The following EDF1 variants were observed in gnomAD, a reference collection of about 807,000 sequenced individuals.
EDF1 encodes endothelial differentiation-related factor 1.
EDF1 carries 5 observed loss-of-function variants against 20.8 expected under a neutral mutation model. The ratio of observed to expected loss-of-function variants is 0.24; its 90% CI spans 0.13 to 0.51. The LOEUF (loss-of-function observed/expected upper bound fraction) is 0.51, where lower values mean the gene tolerates loss of function less well. Ranked by LOEUF, EDF1 falls within the 20% of genes least tolerant of loss-of-function variation. The pLI is 0.97. For synonymous variants in EDF1, 96 were observed against 78.5 expected (o/e 1.22, Z -1.18); for missense variants, 137 against 197.8 (o/e 0.69, Z 1.84).
chr9:136,865,672 C>CT (rs1849203559), intron 1 of EDF1, among the ~76,000 whole-genome samples: 1 of 151,724 alleles, frequency 6.6e-6, no homozygotes, highest in African/African-American at 2.4e-5. Context: ...CTTCCAAGCC[C>CT]TGTCCCCATC....
rs1197706996 is a variant in EDF1 at position 136,865,588 on chromosome 9, C to T, written c.78+593G>A. Reference sequence around the variant, plus strand: ...CCCTATCCCAACCCCAATTCCCCACCTTCATCGCTGGTTCCTGCTGCTTGC... The same window carrying T: ...CCCTATCCCAACCCCAATTCCCCACTTTCATCGCTGGTTCCTGCTGCTTGC... On this transcript the variant is annotated intron_variant, in intron 1 of 4. Transcript: ENST00000224073. 2.6e-5 allele frequency among the ~76,000 whole-genome samples: 4 copies of T among 151,820 alleles called. No homozygotes were observed. The East Asian group carries it at 7.8e-4, about 30-fold the overall frequency.
Position 136,866,053 on chromosome 9 carries a change from T to G in EDF1, c.78+128A>C, listed in dbSNP as rs542063513. On this transcript the variant is annotated intron_variant, in intron 1 of 4. Transcript: ENST00000224073. ...CCGTCCTGCCCCCGGCACCCCAGCC[T>G]TGTCCCCGTCCCCTGCGCCCTGTCC... 7.9e-5 allele frequency: 43 copies of G among 543,246 alleles called. 1 individual carries two copies. In the East Asian group the frequency reaches 5.6e-3, roughly 71 times the overall value. 33.7% of individuals were successfully genotyped at this position (543,246 alleles called of 1,614,324 possible). A position where few individuals can be genotyped will look rare whatever the true frequency, so the allele number is the denominator to read the frequency against.
rs1170883026 is a variant in EDF1 at position 136,863,357 on chromosome 9, G to A, written c.222C>T (p.Thr74=). 5 of 1,614,044 alleles carry A rather than the reference G, an allele frequency of 3.1e-6. No individual in the cohort carries two copies. In the Admixed American group the frequency reaches 5.0e-5, roughly 16 times the overall value. ...GCTGGATCACCTTGCCCACCTCCAG[G>A]GTCACCCTGTCATGGTGCAGCTCCT... ...ETEELHHDRV[T]LEVGKVIQQG... Residue 74 remains threonine (T), a synonymous_variant, in exon 3 of 5, where the codon ACC becomes ACT. Coordinates refer to ENST00000224073, the MANE Select transcript of EDF1 (RefSeq NM_003792.4). The surrounding 1 kb of genome is among the most constrained non-coding windows in gnomAD (Gnocchi z 4.5).
In EDF1 at chr9:136,863,799, A is replaced by G. The variant is rs1448400125; in HGVS notation, c.130+21T>C. 6.2e-7 allele frequency: 1 copy of G among 1,613,828 alleles called. No homozygotes were observed. Among genetic ancestry groups the G allele is most frequent in the East Asian group, 2.2e-5 (1 of 44,882 alleles). On this transcript the variant is annotated intron_variant, in intron 2 of 4. Transcript: ENST00000224073. This position sits in a 1 kb window ranked among gnomAD's most constrained non-coding sequence, Gnocchi z 4.5. ...CCCCACAGCACAGCCTCATGTTGCA[A>G]GCGGAAACACAAGTACCTACATTTC...
At chr9:136,865,434 C>T (rs1355852140) in intron 1 of EDF1, among the ~76,000 whole-genome samples, 1 of 151,948 alleles carries the variant, frequency 6.6e-6, no homozygotes, top group Non-Finnish European at 1.5e-5. Flanking sequence ...CCAAGCAGGT[C>T]CCAGGCAGAG....
Position 136,862,121 on chromosome 9 carries a change from C to A in EDF1, c.*163G>T, listed in dbSNP as rs558395882. ...GAAAAACAGCCAGCAGAACCCAGCG[C>A]TTTGCAAGGTTTTGTTTGTTTGACA... On this transcript the variant is annotated 3_prime_UTR_variant, in exon 5 of 5. Transcript: ENST00000224073. This position sits in a 1 kb window ranked among gnomAD's most constrained non-coding sequence, Gnocchi z 4.1. The A allele has an allele frequency of 8.9e-6, 8 of 901,860 alleles. No individual in the cohort carries two copies. Among genetic ancestry groups the A allele is most frequent in the Non-Finnish European group, 1.4e-5 (8 of 565,436 alleles). The allele number at this position is 901,860 out of a possible 1,614,324, so 55.9% of individuals were successfully genotyped here. A position where few individuals can be genotyped will look rare whatever the true frequency, so the allele number is the denominator to read the frequency against.
chr9:136,863,723 C>G lies in EDF1; in HGVS notation c.130+97G>C. On this transcript the variant is annotated intron_variant, in intron 2 of 4. Coordinates refer to ENST00000224073, the MANE Select transcript of EDF1 (RefSeq NM_003792.4). The surrounding 1 kb of genome is among the most constrained non-coding windows in gnomAD (Gnocchi z 4.5). ...AGCACCGGTGCAGGCAGGCACTCAG[C>G]TGACAACGTCCCCGGGGGCGCCGCA... 6.8e-7 allele frequency: 1 copy of G among 1,474,612 alleles called. No individual in the cohort carries two copies. Among genetic ancestry groups the G allele is most frequent in the African/African-American group, 1.4e-5 (1 of 72,218 alleles). 91.3% of individuals were successfully genotyped at this position (1,474,612 alleles called of 1,614,324 possible).
chr9:136,865,191 G>A (rs1477662099), intron 1 of EDF1, among the ~76,000 whole-genome samples: 1 of 152,158 alleles, frequency 6.6e-6, no homozygotes, highest in African/African-American at 2.4e-5. Context: ...GAATGAGGCA[G>A]AGGCGGTGAC....
rs970994863 is a variant in EDF1, at chr9:136,862,715, G to T, written c.385+191C>A. The T allele has an allele frequency of 2.0e-5, 30 of 1,525,154 alleles. No individual in the cohort carries two copies. The highest frequency in any genetic ancestry group is 5.1e-5 in the South Asian group (4 of 78,390). The allele number at this position is 1,525,154 out of a possible 1,614,324, so 94.5% of individuals were successfully genotyped here. A position where few individuals can be genotyped will look rare whatever the true frequency, so the allele number is the denominator to read the frequency against. ...ACTCGGACTCCACTTGCTCTTAGGG[G>T]TTTCCTGAGGCCTGCAGAGACCCCA... On this transcript the variant is annotated intron_variant, in intron 4 of 4. Coordinates refer to ENST00000224073, the MANE Select transcript of EDF1 (RefSeq NM_003792.4). The surrounding 1 kb of genome is among the most constrained non-coding windows in gnomAD (Gnocchi z 4.1).
chr9:136,862,360 AG>A lies in EDF1; in HGVS notation c.386-16del. 6.2e-7 allele frequency: 1 copy of A among 1,613,998 alleles called. No homozygotes were observed. Among genetic ancestry groups the A allele is most frequent in the Non-Finnish European group, 8.5e-7 (1 of 1,179,992 alleles). ...GAGCTTGAGGCCTGAAATGAGCCAC[AG>A]CCACTGGCCACTGCAGCACCAGCTC... On this transcript the variant is annotated splice_polypyrimidine_tract_variant and intron_variant, in intron 4 of 4. Transcript: ENST00000224073. This position sits in a 1 kb window ranked among gnomAD's most constrained non-coding sequence, Gnocchi z 4.1.
In EDF1 at chr9:136,866,201, C is replaced by T; in HGVS notation, c.58G>A (p.Ala20Thr). ...TVLRKKGPTA[A>T]QAKSKQAILA... ...AGCACCTGCTTGGATTTGGCCTGGG[C>T]GGCCGTAGGGCCCTTCTTGCGCAGC... Residue 20 changes from alanine (A) to threonine (T), a missense_variant, in exon 1 of 5, where the codon GCC becomes ACC. Physicochemically the swap from Ala to Thr is moderately conservative, Grantham distance 58. Coordinates refer to ENST00000224073, the MANE Select transcript of EDF1 (RefSeq NM_003792.4). 3 of 1,601,204 alleles carry T rather than the reference C, an allele frequency of 1.9e-6. No individual in the cohort carries two copies. The highest frequency in any genetic ancestry group is 1.4e-5 in the African/African-American group (1 of 72,836).
intron 1 of EDF1, among the ~76,000 whole-genome samples, chr9:136,865,835 G>A (rs1434944717): frequency 5.8e-5 from 1 of 17,156 alleles, no homozygotes; most frequent in Non-Finnish European, 1.2e-4. Flanking sequence ...TCCCCTCCCC[G>A]CCCCACCCTG....
chr9:136,862,264 C>A lies in EDF1; in HGVS notation c.*20G>T. 1 of 1,613,980 alleles carries A rather than the reference C, an allele frequency of 6.2e-7. No individual in the cohort carries two copies. Among genetic ancestry groups the A allele is most frequent in the Non-Finnish European group, 8.5e-7 (1 of 1,179,938 alleles). ...GCGGAACGAGATCAGCTGGAGCGCA[C>A]TGATTTCGAGGCTTTGTGTTCATTT... On this transcript the variant is annotated 3_prime_UTR_variant, in exon 5 of 5. Transcript: ENST00000224073. The surrounding 1 kb of genome is among the most constrained non-coding windows in gnomAD (Gnocchi z 4.1).
intron 1 of EDF1, among the ~76,000 whole-genome samples, chr9:136,865,648 CA>C (rs1849202520): frequency 6.6e-6 from 1 of 151,336 alleles, no homozygotes; most frequent in Non-Finnish European, 1.5e-5. Context: ...CCCTGTACCC[CA>C]CTCTACCCTG....
intron 1 of EDF1, among the ~76,000 whole-genome samples, chr9:136,864,827 C>T (rs1380200197): frequency 6.6e-6 from 1 of 151,762 alleles, no homozygotes; most frequent in Non-Finnish European, 1.5e-5. Flanking sequence ...GTTTCACCAT[C>T]TTGGCCAGGC....
rs1429252402 is a variant in EDF1 at position 136,862,538 on chromosome 9, A to G, written c.386-193T>C. ...TGAGTCTGATCACCTTAGACAGCAG[A>G]GCATGAACACCCCTCTCCGGAAGAA... On this transcript the variant is annotated intron_variant, in intron 4 of 4. Coordinates refer to ENST00000224073, the MANE Select transcript of EDF1 (RefSeq NM_003792.4). This position sits in a 1 kb window ranked among gnomAD's most constrained non-coding sequence, Gnocchi z 4.1. The G allele has an allele frequency of 3.1e-6, 5 of 1,603,088 alleles. No homozygotes were observed. Among genetic ancestry groups the G allele is most frequent in the Middle Eastern group, 3.6e-4 (2 of 5,518 alleles).
intron 1 of EDF1, among the ~76,000 whole-genome samples, chr9:136,864,225 G>A (rs1389726739): frequency 6.6e-6 from 1 of 151,496 alleles, no homozygotes; most frequent in Non-Finnish European, 1.5e-5. Flanking sequence ...ACAGTTAACT[G>A]CTAAGAGAAC....
In EDF1 at chr9:136,863,021, T is replaced by C. The variant is rs1849138394; in HGVS notation, c.292-22A>G. On this transcript the variant is annotated intron_variant, in intron 3 of 4. Transcript: ENST00000224073. This position sits in a 1 kb window ranked among gnomAD's most constrained non-coding sequence, Gnocchi z 4.5. ...TTTTCTAAAGAGAAGATGTGCTTTATACACATCAGCTCCACTAGGACTGCT... is the reference window on the plus strand; with the variant it reads ...TTTTCTAAAGAGAAGATGTGCTTTACACACATCAGCTCCACTAGGACTGCT... 6.2e-7 allele frequency: 1 copy of C among 1,612,326 alleles called. No individual in the cohort carries two copies. Among genetic ancestry groups the C allele is most frequent in the East Asian group, 2.2e-5 (1 of 44,892 alleles).
At position 136,862,648 on chromosome 9, in the gene EDF1, T is replaced by G; in HGVS notation, c.385+258A>C. ...CGCTGTGCTCAGGCTCAGAGAACCA[T>G]CGCCAACAGCACAGGCTGACGGGAA... is the stretch of plus-strand genomic sequence containing the variant. On this transcript the variant is annotated intron_variant, in intron 4 of 4. Transcript: ENST00000224073. The surrounding 1 kb of genome is among the most constrained non-coding windows in gnomAD (Gnocchi z 4.1). 1 of 1,496,346 alleles carries G rather than the reference T, an allele frequency of 6.7e-7. No individual in the cohort carries two copies. Among genetic ancestry groups the G allele is most frequent in the South Asian group, 1.3e-5 (1 of 76,968 alleles). 92.7% of individuals were successfully genotyped at this position (1,496,346 alleles called of 1,614,324 possible). A position where few individuals can be genotyped will look rare whatever the true frequency, so the allele number is the denominator to read the frequency against.
Sources: gnomAD v4.1 joint callset for allele counts (sites outside exome capture counted in the v4.1 genomes callset) on GRCh38, gnomAD v4.1.1 for gene constraint, Gnocchi (gnomAD v3.1) non-coding constraint, MANE v1.5 for transcripts, NCBI Gene and HGNC (gene_info 2026-07-23, HGNC 2026-07-21) for gene names.